PCDHGA9: variants seen among roughly 807,000 people sequenced by gnomAD.
PCDHGA9 encodes the protein protocadherin gamma-A9.
PCDHGA9 carries 37 observed loss-of-function variants against 62.5 expected under a neutral mutation model. The ratio of observed to expected loss-of-function variants is 0.59; its 90% CI spans 0.46 to 0.78. PCDHGA9 has a LOEUF of 0.78. PCDHGA9 is among the 30% of genes least tolerant of loss of function. PCDHGA9 has a pLI of 0.00. For missense variants in PCDHGA9, 1,138 were observed against 1,166.2 expected (o/e 0.98, Z 0.35); for synonymous variants, 459 against 484.6 (o/e 0.95, Z 0.69).
intron 1 of PCDHGA9, chr5:141,442,491 T>G (rs1438583747): frequency 6.6e-6 from 1 of 152,236 alleles, no homozygotes; most frequent in Non-Finnish European, 1.5e-5. Flanking sequence ...AGGGGATGAT[T>G]GTGATTATTC....
intron 1 of PCDHGA9, among the ~76,000 whole-genome samples, chr5:141,444,106 G>A (rs2098417269): frequency 7.6e-6 from 1 of 131,112 alleles, no homozygotes; most frequent in South Asian, 2.6e-4. Flanking sequence ...TGGAAACCAA[G>A]AAAAGTGAAG....
At position 141,487,444 on chromosome 5, in the gene PCDHGA9, T is replaced by G; in HGVS notation, c.2425-7363T>G. 1 of 1,614,194 alleles carries G rather than the reference T, an allele frequency of 6.2e-7. No individual in the cohort carries two copies. The highest frequency in any genetic ancestry group is 8.5e-7 in the Non-Finnish European group (1 of 1,180,040). ...TCCTCCGAATCCAGCTAGGGTCAGA[T>G]GACCCTATCAAGTTTGTTGATGTGG... On this transcript the variant is annotated intron_variant, in intron 1 of 3. Transcript: ENST00000573521. This position sits in a 1 kb window ranked among gnomAD's most constrained non-coding sequence, Gnocchi z 5.0.
In PCDHGA9 at chr5:141,403,006, G is replaced by C. The variant is rs536630249; in HGVS notation, c.54G>C (p.Ser18=). 1.9e-6 allele frequency: 3 copies of C among 1,613,888 alleles called. No individual in the cohort carries two copies. The highest frequency in any genetic ancestry group is 2.5e-6 in the Non-Finnish European group (3 of 1,179,886). ...GCGGAAGATTAGTCCTGCTATGCTC[G>C]CTCCTGGGGATGCTATGGGAGGCCA... ...QLRGRLVLLC[S]LLGMLWEARA... The change falls in exon 1 of 4, where the codon TCG becomes TCC. Residue 18 remains serine (S), a synonymous_variant. Coordinates refer to ENST00000573521, the MANE Select transcript of PCDHGA9 (RefSeq NM_018921.3).
intron 1 of PCDHGA9, chr5:141,478,491 G>A: frequency 6.2e-7 from 1 of 1,613,152 alleles, no homozygotes; most frequent in Non-Finnish European, 8.5e-7. Flanking sequence ...CTGCGGAGCT[G>A]TGATCCGGTG....
intron 3 of PCDHGA9, chr5:141,507,010 G>A (rs371780810): frequency 1.3e-5 from 2 of 152,324 alleles, no homozygotes; most frequent in East Asian, 1.9e-4. Flanking sequence ...TGAGAGAACC[G>A]AGAAGGCACT....
rs538744733 is a variant in PCDHGA9, at chr5:141,405,016, C to G, written c.2064C>G (p.Asp688Glu). The G allele has an allele frequency of 6.2e-7, 1 of 1,613,888 alleles. No homozygotes were observed. ...LQIPADLEAS[D>E]LTLYLVVAVA... The stretch of plus-strand genomic sequence containing the variant: ...TCCCTGCAGACCTGGAGGCCTCAGA[C>G]CTTACCCTCTACCTCGTTGTGGCTG... Residue 688 changes from aspartate (D) to glutamate (E), a missense_variant, in exon 1 of 4, where the codon GAC becomes GAG. Asp to Glu is a conservative substitution (Grantham distance 45). Coordinates refer to ENST00000573521, the MANE Select transcript of PCDHGA9 (RefSeq NM_018921.3).
At position 141,489,749 on chromosome 5, in the gene PCDHGA9, AC is replaced by A; in HGVS notation, c.2425-5057del. ...GTGGGCACCAATACTGTGAGCTTTT[AC>A]ACTCTAAGCCCCAACAGCCACTTCT... is the stretch of plus-strand genomic sequence containing the variant. On this transcript the variant is annotated intron_variant, in intron 1 of 3. Transcript: ENST00000573521. The surrounding 1 kb of genome is among the most constrained non-coding windows in gnomAD (Gnocchi z 4.5). 6.2e-7 allele frequency: 1 copy of A among 1,614,126 alleles called. No individual in the cohort carries two copies. Among genetic ancestry groups the A allele is most frequent in the Non-Finnish European group, 8.5e-7 (1 of 1,180,002 alleles).
intron 1 of PCDHGA9, among the ~76,000 whole-genome samples, chr5:141,445,132 G>T (rs921068835): frequency 2.6e-5 from 4 of 152,026 alleles, no homozygotes; most frequent in Non-Finnish European, 5.9e-5. Flanking sequence ...TTTTAAAATT[G>T]TATCTTCTAA....
chr5:141,404,805 C>G lies in PCDHGA9; in HGVS notation c.1853C>G (p.Ser618Trp), dbSNP rs770534822. ...LFKASEPGLF[S>W]VGLHTGEVRT... ...AAGGCCAGTGAGCCAGGGCTCTTCT[C>G]GGTGGGGCTGCACACAGGTGAAGTG... Residue 618 changes from serine to tryptophan, a missense_variant, in exon 1 of 4, where the codon TCG (serine) becomes TGG (tryptophan). Transcript: ENST00000573521. 21 of 1,613,960 alleles carry G rather than the reference C, an allele frequency of 1.3e-5. No homozygotes were observed. Among genetic ancestry groups the G allele is most frequent in the Non-Finnish European group, 1.8e-5 (21 of 1,179,998 alleles).
chr5:141,510,510 G>A (rs1042950478), intron 3 of PCDHGA9, among the ~76,000 whole-genome samples: 5 of 152,132 alleles, frequency 3.3e-5, no homozygotes, highest in Non-Finnish European at 5.9e-5. Context: ...CTGAGAGCCC[G>A]TGTCACAGCC....
At position 141,432,727 on chromosome 5, in the gene PCDHGA9, C is replaced by T; in HGVS notation, c.2424+27351C>T. 6.2e-7 allele frequency: 1 copy of T among 1,614,090 alleles called. No individual in the cohort carries two copies. Among genetic ancestry groups the T allele is most frequent in the Non-Finnish European group, 8.5e-7 (1 of 1,179,996 alleles). ...ACCACGGCCAGCCCCCTCTCTCCGC[C>T]ACTGTCACGCTCACCGTGGCCGTGG... On this transcript the variant is annotated intron_variant, in intron 1 of 3. Transcript: ENST00000573521. The surrounding 1 kb of genome is among the most constrained non-coding windows in gnomAD (Gnocchi z 6.0).
Position 141,409,505 on chromosome 5 carries a change from A to G in PCDHGA9, c.2424+4129A>G, listed in dbSNP as rs1361558030. 5.6e-6 allele frequency: 9 copies of G among 1,614,036 alleles called. No homozygotes were observed. In the Middle Eastern group the frequency reaches 4.9e-4, roughly 89 times the overall value. On this transcript the variant is annotated intron_variant, in intron 1 of 3. Coordinates refer to ENST00000573521, the MANE Select transcript of PCDHGA9 (RefSeq NM_018921.3). Reference sequence around the variant, plus strand: ...CAGGGGCAAGCCGCCTCTTTCTTCCAGTAGAAGCATCACCTTGTATGTCGC... The same window carrying G: ...CAGGGGCAAGCCGCCTCTTTCTTCCGGTAGAAGCATCACCTTGTATGTCGC...
Position 141,500,858 on chromosome 5 carries a change from A to G in PCDHGA9, c.2484-4535A>G, listed in dbSNP as rs1160743056. Among the ~76,000 whole-genome samples the G allele has an allele frequency of 3.3e-5, 5 of 150,740 alleles. No individual in the cohort carries two copies. The South Asian group carries it at 1.0e-3, about 32-fold the overall frequency. ...TAATGGGCTTTTGCTACATTAGAAA[A>G]CATACACATTCATTTACAATTTTTT... On this transcript the variant is annotated intron_variant, in intron 2 of 3. Coordinates refer to ENST00000573521, the MANE Select transcript of PCDHGA9 (RefSeq NM_018921.3).
chr5:141,462,811 T>C (rs893444929), intron 1 of PCDHGA9, among the ~76,000 whole-genome samples: 1 of 152,206 alleles, frequency 6.6e-6, no homozygotes, highest in Non-Finnish European at 1.5e-5. Context: ...ATAATGTTTT[T>C]ATTGGACAGC....
chr5:141,490,106 T>C lies in PCDHGA9; in HGVS notation c.2425-4701T>C, dbSNP rs1314489019. On this transcript the variant is annotated intron_variant, in intron 1 of 3. Coordinates refer to ENST00000573521, the MANE Select transcript of PCDHGA9 (RefSeq NM_018921.3). The surrounding 1 kb of genome is among the most constrained non-coding windows in gnomAD (Gnocchi z 5.4). ...TTTGGAGACCACACATCTGAGGCAG[T>C]GCGGAACCTCTTTGGCCTAGACCCT... 2.5e-6 allele frequency: 4 copies of C among 1,614,246 alleles called. No homozygotes were observed. Among genetic ancestry groups the C allele is most frequent in the South Asian group, 1.1e-5 (1 of 91,086 alleles).
intron 1 of PCDHGA9, among the ~76,000 whole-genome samples, chr5:141,466,800 C>T (rs189985735): frequency 6.6e-6 from 1 of 152,240 alleles, no homozygotes; most frequent in East Asian, 1.9e-4. Context: ...AAACTAGATC[C>T]TATTCAGACA....
intron 1 of PCDHGA9, chr5:141,423,108 GC>G: frequency 1.2e-6 from 2 of 1,613,864 alleles, no homozygotes; most frequent in African/African-American, 2.7e-5. Flanking sequence ...CGGGCGAGGT[GC>G]GTACAGCGCG....
chr5:141,408,055 C>T lies in PCDHGA9; in HGVS notation c.2424+2679C>T, dbSNP rs1012762205. 35 of 1,299,012 alleles carry T rather than the reference C, an allele frequency of 2.7e-5. No homozygotes were observed. In the South Asian group the frequency reaches 3.8e-4, roughly 14 times the overall value. 80.5% of individuals were successfully genotyped at this position (1,299,012 alleles called of 1,614,324 possible). On this transcript the variant is annotated intron_variant, in intron 1 of 3. Coordinates refer to ENST00000573521, the MANE Select transcript of PCDHGA9 (RefSeq NM_018921.3). ...AAAACCAGCTCCCACACAGAGCCTCCCGGCTGCGCAGACCTTTCCCAGCAC... is the reference window on the plus strand; with the variant it reads ...AAAACCAGCTCCCACACAGAGCCTCTCGGCTGCGCAGACCTTTCCCAGCAC...
intron 1 of PCDHGA9, among the ~76,000 whole-genome samples, chr5:141,406,328 C>T (rs1235799294): frequency 1.3e-5 from 2 of 152,062 alleles, no homozygotes; most frequent in Non-Finnish European, 2.9e-5. Context: ...ATTCTTACTC[C>T]TACGATCATT....
Sources: allele counts gnomAD v4.1 joint callset (sites outside exome capture counted in the v4.1 genomes callset), GRCh38; gene constraint gnomAD v4.1.1; non-coding constraint Gnocchi (gnomAD v3.1); transcripts MANE v1.5; gene names NCBI Gene and HGNC (gene_info 2026-07-23, HGNC 2026-07-21).